Variants in ATAD3B observed in about 807,000 individuals in gnomAD.
ATAD3B encodes ATPase family AAA domain-containing protein 3B.
In ATAD3B, 59 loss-of-function variants were observed where a neutral mutation model predicts 70.2. The observed-to-expected ratio is 0.84, with a 90% CI of 0.68 to 1.04. The LOEUF (loss-of-function observed/expected upper bound fraction) is 1.04, where lower values mean the gene tolerates loss of function less well. Among genes scored for constraint, ATAD3B ranks in the 50% least tolerant of loss-of-function variants. ATAD3B has a pLI of 0.00. For missense variants in ATAD3B, 961 were observed against 913.4 expected (o/e 1.05, Z -0.67); for synonymous variants, 423 against 388.6 (o/e 1.09, Z -1.04).
In ATAD3B at chr1:1,497,262, T is replaced by G. The variant is rs1640824100; in HGVS notation, c.*1445T>G. On this transcript the variant is annotated 3_prime_UTR_variant, in exon 16 of 16. Coordinates refer to ENST00000673477, the MANE Select transcript of ATAD3B (RefSeq NM_031921.6). The stretch of plus-strand genomic sequence containing the variant: ...TTCTTACTCTGAGCCCAGGCTGGAG[T>G]GCAGTGGTGTGATTATAGCTCACTG... The G allele has an allele frequency of 6.7e-6, 1 of 150,018 alleles. No homozygotes were observed. Among genetic ancestry groups the G allele is most frequent in the African/African-American group, 2.5e-5 (1 of 40,392 alleles). 9.3% of individuals were successfully genotyped at this position (150,018 alleles called of 1,614,324 possible).
the ATAD3B span, chr1:1,509,206 C>G: frequency 1.9e-6 from 3 of 1,612,734 alleles, no homozygotes; most frequent in South Asian, 3.3e-5. Context: ...CCCCACTAGG[C>G]CACGGCGTAT....
chr1:1,508,775 C>T, the ATAD3B span, among the ~76,000 whole-genome samples: 1 of 151,264 alleles, frequency 6.6e-6, no homozygotes, highest in Non-Finnish European at 1.5e-5. Context: ...CCACGTGCCT[C>T]AAGGTGGGCA....
At chr1:1,487,788 C>T (rs1182890397) in intron 11 of ATAD3B, 75 bp from the exon 12 acceptor site, 11 of 1,568,832 alleles carry the variant, frequency 7.0e-6, no homozygotes, top group Middle Eastern at 2.2e-4. Flanking sequence ...TGGCCTGCTC[C>T]TGCCGCGGCC....
Position 1,482,581 on chromosome 1 carries a change from C to A in ATAD3B, c.717C>A (p.Ala239=). 1.9e-6 allele frequency: 3 copies of A among 1,613,374 alleles called. No individual in the cohort carries two copies. Among genetic ancestry groups the A allele is most frequent in the Non-Finnish European group, 2.5e-6 (3 of 1,179,550 alleles). ...CCTTGTTTGGGGAAGGATTCCGTGC[C>A]TTTGTGACAGACCGGGACAAAGTGA... The part of the protein sequence containing the change: ...AGTLFGEGFR[A]FVTDRDKVTA... The change falls in exon 7 of 16, where the codon GCC becomes GCA. Residue 239 remains alanine, a synonymous_variant. Coordinates refer to ENST00000673477, the MANE Select transcript of ATAD3B (RefSeq NM_031921.6).
In ATAD3B at chr1:1,495,625, A is replaced by T. The variant is rs762430432; in HGVS notation, c.1755A>T (p.Leu585=). ...CTGGGCGCGGGGTCGAGCACCCCCT[A>T]TCCGGAGTCCAAGGCGAGACCCTCA... is the stretch of plus-strand genomic sequence containing the variant. ...EGPGRGVEHP[L]SGVQGETLTS... Residue 585 remains leucine, a synonymous_variant, in exon 16 of 16, where the codon CTA becomes CTT. Transcript: ENST00000673477. The T allele has an allele frequency of 1.2e-6, 2 of 1,612,916 alleles. No individual in the cohort carries two copies. The highest frequency in any genetic ancestry group is 1.7e-6 in the Non-Finnish European group (2 of 1,179,408).
At chr1:1,494,711 G>T (rs1640694786) in intron 15 of ATAD3B, among the ~76,000 whole-genome samples, 1 of 151,968 alleles carries the variant, frequency 6.6e-6, no homozygotes, top group African/African-American at 2.4e-5. Context: ...TCCTGCCTCT[G>T]GGAGGTACAG....
chr1:1,503,772 A>G, the ATAD3B span: 1 of 1,488,862 alleles, frequency 6.7e-7, no homozygotes, highest in Non-Finnish European at 9.1e-7. Flanking sequence ...CATGGGCAGC[A>G]GTGGGGTGCA....
At chr1:1,474,264 C>T (rs1033646212) in intron 1 of ATAD3B, among the ~76,000 whole-genome samples, 19 of 150,684 alleles carry the variant, frequency 1.3e-4, no homozygotes, top group African/African-American at 4.4e-4. Context: ...GATCACGGCT[C>T]ACTGCAAGCT....
At chr1:1,499,780 G>T (rs1178418419), downstream of ATAD3B, among the ~76,000 whole-genome samples, 1 of 150,850 alleles carries the variant, frequency 6.6e-6, no homozygotes, top group East Asian at 2.0e-4. Context: ...TTTTAGTAGA[G>T]ATGGGGTTTC....
chr1:1,478,443 G>T, intron 2 of ATAD3B: 1 of 1,533,712 alleles, frequency 6.5e-7, no homozygotes, highest in Non-Finnish European at 8.8e-7. Flanking sequence ...AGGCTTCTCT[G>T]CTGGTGCTTC....
Position 1,471,980 on chromosome 1 carries a change from C to A in ATAD3B, c.96C>A (p.Gly32=). The change falls in exon 1 of 16, where the codon GGC becomes GGA. Residue 32 remains glycine (G), a synonymous_variant. Transcript: ENST00000673477. Reference sequence around the variant, plus strand: ...CCGCGCAGCCCGGGGCCGAGGGCGGCGGGGACCGCGGTTTGGGAGACCGGC... The same window carrying A: ...CCGCGCAGCCCGGGGCCGAGGGCGGAGGGGACCGCGGTTTGGGAGACCGGC... The part of the protein sequence containing the change: ...LPPAQPGAEG[G]GDRGLGDRPA... 1 of 1,239,506 alleles carries A rather than the reference C, an allele frequency of 8.1e-7. No individual in the cohort carries two copies. Among genetic ancestry groups the A allele is most frequent in the Non-Finnish European group, 1.0e-6 (1 of 988,180 alleles). The allele number at this position is 1,239,506 out of a possible 1,614,324, so 76.8% of individuals were successfully genotyped here. A position where few individuals can be genotyped will look rare whatever the true frequency, so the allele number is the denominator to read the frequency against.
chr1:1,495,417 GCC>G, intron 15 of ATAD3B, 66 bp from the exon 16 acceptor site: 1 of 1,531,744 alleles, frequency 6.5e-7, no homozygotes, highest in Non-Finnish European at 8.8e-7. Context: ...CCACCTCGGG[GCC>G]CTGGCGTGCA....
intron 5 of ATAD3B, among the ~76,000 whole-genome samples, chr1:1,481,160 T>C (rs1570222432): frequency 7.8e-6 from 1 of 128,596 alleles, no homozygotes; most frequent in Non-Finnish European, 1.6e-5. Flanking sequence ...CTTCACTTCA[T>C]GGGAAGTACA....
At chr1:1,476,472 C>T (rs572534893) in intron 1 of ATAD3B, among the ~76,000 whole-genome samples, 3 of 151,080 alleles carry the variant, frequency 2.0e-5, no homozygotes, top group African/African-American at 4.9e-5. Flanking sequence ...CCAGGAGCAT[C>T]GGGGGTCCCT....
intron 13 of ATAD3B, 106 bp downstream of exon 13, chr1:1,489,380 C>T: frequency 6.4e-7 from 1 of 1,560,590 alleles, no homozygotes; most frequent in Non-Finnish European, 8.8e-7. Flanking sequence ...CCAGCTGTGG[C>T]CTCAGTGTGC....
intron 2 of ATAD3B, chr1:1,478,325 G>A (rs1639707164): frequency 3.5e-6 from 4 of 1,155,558 alleles, no homozygotes; most frequent in African/African-American, 3.1e-5. Flanking sequence ...GAATGGGCAC[G>A]AGCTCTGCCC....
At position 1,495,655 on chromosome 1, in the gene ATAD3B, A is replaced by C. The variant is rs776553293; in HGVS notation, c.1785A>C (p.Ser595=). 19 of 1,612,800 alleles carry C rather than the reference A, an allele frequency of 1.2e-5. No homozygotes were observed. In the East Asian group the frequency reaches 1.8e-4, roughly 15 times the overall value. ...GAGTCCAAGGCGAGACCCTCACCTC[A>C]TGGAGCCTGGCCACGGACCCCTCCT... ...LSGVQGETLT[S]WSLATDPSYP... is the part of the protein sequence containing the mutation. Residue 595 remains serine, a synonymous_variant, in exon 16 of 16, where the codon TCA becomes TCC. Transcript: ENST00000673477.
At position 1,490,666 on chromosome 1, in the gene ATAD3B, T is replaced by G; in HGVS notation, c.1609T>G (p.Trp537Gly). 6.3e-7 allele frequency: 1 copy of G among 1,587,400 alleles called. No individual in the cohort carries two copies. Reference sequence around the variant, plus strand: ...GGAGATCGCTCAGCTGGCCGTGTCCTGGCAGGTGAGTCAGGCTCCGGCACG... The same window carrying G: ...GGAGATCGCTCAGCTGGCCGTGTCCGGGCAGGTGAGTCAGGCTCCGGCACG... ...GREIAQLAVS[W>G]QATAYASKDG... The change falls in exon 15 of 16, where the codon TGG (tryptophan) becomes GGG (glycine). Residue 537 changes from tryptophan (W) to glycine (G), a missense_variant. Coordinates refer to ENST00000673477, the MANE Select transcript of ATAD3B (RefSeq NM_031921.6).
rs1639345787 is a variant in ATAD3B at position 1,471,948 on chromosome 1, T to C, written c.64T>C (p.Leu22=). ...KGEGAGPPPP[L]PPAQPGAEGG... Reference sequence around the variant, plus strand: ...TGAAGGCGCGGGGCCGCCGCCGCCTTTGCCGCCCGCGCAGCCCGGGGCCGA... The same window carrying C: ...TGAAGGCGCGGGGCCGCCGCCGCCTCTGCCGCCCGCGCAGCCCGGGGCCGA... The change falls in exon 1 of 16, where the codon TTG becomes CTG. Residue 22 remains leucine, a synonymous_variant. Transcript: ENST00000673477. 8.1e-7 allele frequency: 1 copy of C among 1,238,006 alleles called. No homozygotes were observed. The highest frequency in any genetic ancestry group is 1.0e-6 in the Non-Finnish European group (1 of 985,956). The allele number at this position is 1,238,006 out of a possible 1,614,324, so 76.7% of individuals were successfully genotyped here. A position where few individuals can be genotyped will look rare whatever the true frequency, so the allele number is the denominator to read the frequency against.
Sources: allele counts gnomAD v4.1 joint callset (sites outside exome capture counted in the v4.1 genomes callset), GRCh38; gene constraint gnomAD v4.1.1; transcripts MANE v1.5; gene names NCBI Gene and HGNC (gene_info 2026-07-23, HGNC 2026-07-21).